DSCAM: variants seen among roughly 807,000 people sequenced by gnomAD.
The protein encoded by DSCAM is DS cell adhesion molecule.
DSCAM carries 47 observed loss-of-function variants against 217.7 expected under a neutral mutation model. That is an observed-to-expected ratio of 0.22 (90% confidence interval 0.17 to 0.28). DSCAM has a LOEUF of 0.28. Among genes scored for constraint, DSCAM ranks in the 10% least tolerant of loss-of-function variants. The pLI is 1.00. For synonymous variants in DSCAM, 1,056 were observed against 1,015.3 expected (o/e 1.04, Z -0.76); for missense variants, 2,080 against 2,618.3 (o/e 0.79, Z 4.49).
Position 40,013,402 on chromosome 21 carries a change from G to A in DSCAM, c.5687-16C>T. The A allele has an allele frequency of 2.0e-6, 3 of 1,508,340 alleles. No individual in the cohort carries two copies. The highest frequency in any genetic ancestry group is 2.7e-6 in the Non-Finnish European group (3 of 1,126,564). The allele number at this position is 1,508,340 out of a possible 1,614,324, so 93.4% of individuals were successfully genotyped here. ...ATGAGGTCACCTAGAAGGAAAGACAGGGTAGTTAGTTGGTGTCTTCATTTG... is the reference window on the plus strand; with the variant it reads ...ATGAGGTCACCTAGAAGGAAAGACAAGGTAGTTAGTTGGTGTCTTCATTTG... On this transcript the variant is annotated splice_polypyrimidine_tract_variant and intron_variant, in intron 32 of 32. Coordinates refer to ENST00000400454, the MANE Select transcript of DSCAM (RefSeq NM_001389.5).
intron 11 of DSCAM, among the ~76,000 whole-genome samples, chr21:40,233,607 A>G (rs1335366352): frequency 6.6e-6 from 1 of 152,080 alleles, no homozygotes; most frequent in Admixed American, 6.6e-5. Context: ...CTTCTCCTCC[A>G]CATGGACACA....
At chr21:40,441,940 C>T (rs1042516856) in intron 3 of DSCAM, among the ~76,000 whole-genome samples, 6 of 152,090 alleles carry the variant, frequency 3.9e-5, no homozygotes, top group Non-Finnish European at 2.9e-5. Flanking sequence ...GTTTATTTTG[C>T]TTTCAGAATA....
chr21:40,633,292 G>A (rs1025056049), intron 3 of DSCAM, among the ~76,000 whole-genome samples: 15 of 152,132 alleles, frequency 9.9e-5, no homozygotes, highest in African/African-American at 2.2e-4. Context: ...TGCACACAAC[G>A]TATAATCAAA....
At chr21:40,271,241 G>A (rs1284835489) in intron 11 of DSCAM, among the ~76,000 whole-genome samples, 1 of 152,160 alleles carries the variant, frequency 6.6e-6, no homozygotes, top group Non-Finnish European at 1.5e-5. Flanking sequence ...AGAGCCCACG[G>A]GCTAACTTTG....
intron 3 of DSCAM, among the ~76,000 whole-genome samples, chr21:40,378,957 G>A (rs1039433524): frequency 2.0e-5 from 3 of 152,186 alleles, no homozygotes; most frequent in Middle Eastern, 3.4e-3. Flanking sequence ...ATAAATTAGG[G>A]TACATCTATA....
chr21:40,188,613 G>A (rs148781103), intron 12 of DSCAM, among the ~76,000 whole-genome samples: 59 of 151,802 alleles, frequency 3.9e-4, no homozygotes, highest in African/African-American at 1.2e-3. Flanking sequence ...CTCTTTTAAC[G>A]ACAGATTTTT....
intron 3 of DSCAM, among the ~76,000 whole-genome samples, chr21:40,391,592 T>C (rs993515152): frequency 2.0e-5 from 3 of 152,256 alleles, no homozygotes; most frequent in Non-Finnish European, 4.4e-5. Context: ...TTGTTCATAC[T>C]GTGGAGTTTT....
At chr21:40,640,191 A>AGAGGAAAATCAAG (rs2089860485) in intron 3 of DSCAM, among the ~76,000 whole-genome samples, 2 of 152,204 alleles carry the variant, frequency 1.3e-5, no homozygotes, top group South Asian at 2.1e-4. Context: ...GAAGTGGCAG[A>AGAGGAAAATCAAG]AAACTATGGG....
At chr21:40,369,422 C>G (rs1022862146) in intron 3 of DSCAM, among the ~76,000 whole-genome samples, 177 bp from the exon 4 acceptor site, 35 of 98,874 alleles carry the variant, frequency 3.5e-4, no homozygotes, top group African/African-American at 1.1e-3. Flanking sequence ...GTGTGTGTGT[C>G]AATTAAGGGT....
intron 24 of DSCAM, among the ~76,000 whole-genome samples, chr21:40,081,749 GT>G (rs370852896): frequency 7.9e-5 from 12 of 152,292 alleles, no homozygotes; most frequent in African/African-American, 2.6e-4. Context: ...TGCCATCAGT[GT>G]CCATCAGTGT....
intron 4 of DSCAM, among the ~76,000 whole-genome samples, chr21:40,354,464 C>T (rs2074668650): frequency 6.6e-6 from 1 of 152,072 alleles, no homozygotes; most frequent in Non-Finnish European, 1.5e-5. Context: ...AACTCCTGGG[C>T]TCAAGTGATC....
At chr21:40,844,431 T>C (rs1210177061) in intron 1 of DSCAM, among the ~76,000 whole-genome samples, 1 of 152,094 alleles carries the variant, frequency 6.6e-6, no homozygotes, top group Non-Finnish European at 1.5e-5. Context: ...AGCCTTCTGC[T>C]AGATTGGATC....
At chr21:40,607,435 A>G (rs897750765) in intron 3 of DSCAM, among the ~76,000 whole-genome samples, 6 of 140,576 alleles carry the variant, frequency 4.3e-5, no homozygotes, top group Non-Finnish European at 9.2e-5. Context: ...AATAAATTCC[A>G]TCTTTTCAGG....
intron 1 of DSCAM, among the ~76,000 whole-genome samples, chr21:40,772,876 C>G (rs1030458110): frequency 2.0e-5 from 3 of 152,216 alleles, no homozygotes; most frequent in African/African-American, 7.2e-5. Flanking sequence ...CCATAATCGC[C>G]GCGGTGGTGG....
chr21:40,137,060 G>A (rs560131607), intron 18 of DSCAM, among the ~76,000 whole-genome samples: 2 of 151,846 alleles, frequency 1.3e-5, no homozygotes, highest in Non-Finnish European at 2.9e-5. Context: ...TGTAGTCCCA[G>A]GTACTCGGGG....
At chr21:40,719,579 C>A (rs1032992981) in intron 1 of DSCAM, among the ~76,000 whole-genome samples, 1 of 152,186 alleles carries the variant, frequency 6.6e-6, no homozygotes, top group Non-Finnish European at 1.5e-5. Flanking sequence ...AAAATTGATA[C>A]ATCGTGATAT....
At chr21:40,396,635 C>T (rs1401498820) in intron 3 of DSCAM, among the ~76,000 whole-genome samples, 5 of 152,190 alleles carry the variant, frequency 3.3e-5, no homozygotes, top group Non-Finnish European at 1.5e-5. Flanking sequence ...TAAAACACTG[C>T]TACCACTACT....
At chr21:40,836,068 G>A (rs372269759) in intron 1 of DSCAM, among the ~76,000 whole-genome samples, 7 of 152,108 alleles carry the variant, frequency 4.6e-5, no homozygotes, top group Admixed American at 2.6e-4. Flanking sequence ...ATCCCAAGGC[G>A]GCATCAAAGC....
chr21:40,809,753 A>C (rs1268716908), intron 1 of DSCAM, among the ~76,000 whole-genome samples: 1 of 152,172 alleles, frequency 6.6e-6, no homozygotes, highest in Non-Finnish European at 1.5e-5. Flanking sequence ...TGCTGAATTG[A>C]ACTCTAGTGG....
Sources: gnomAD v4.1 joint callset for allele counts (sites outside exome capture counted in the v4.1 genomes callset) on GRCh38, gnomAD v4.1.1 for gene constraint, MANE v1.5 for transcripts, NCBI Gene and HGNC (gene_info 2026-07-23, HGNC 2026-07-21) for gene names.